The following AKAP3 variants were observed in gnomAD, a reference collection of about 807,000 sequenced individuals.
AKAP3 encodes A-kinase anchoring protein 3, also known as A-kinase anchor protein 3.
Under a neutral mutation model 57.2 loss-of-function variants are expected in AKAP3, and 27 were observed. The ratio of observed to expected loss-of-function variants is 0.47; its 90% CI spans 0.35 to 0.65. The LOEUF (loss-of-function observed/expected upper bound fraction) is 0.65, where lower values mean the gene tolerates loss of function less well. Ranked by LOEUF, AKAP3 falls within the 30% of genes least tolerant of loss-of-function variation. The pLI is 0.01. For missense variants in AKAP3, 959 were observed against 1,040.0 expected (o/e 0.92, Z 1.07); for synonymous variants, 334 against 392.3 (o/e 0.85, Z 1.76).
chr12:4,628,079 C>T lies in AKAP3; in HGVS notation c.823G>A (p.Asp275Asn), dbSNP rs771790484. ...RKRFRGQERP[D>N]DFTASVSEGI... is the part of the protein sequence containing the mutation. ...TCACTAACAGAAGCCGTAAAGTCAT[C>T]AGGCCTTTCCTGCCCTCGAAACCTC... Residue 275 changes from aspartate (D) to asparagine (N), a missense_variant, in exon 5 of 6, where the codon GAT becomes AAT. By Grantham distance (23) the Asp-to-Asn change is conservative. Coordinates refer to ENST00000228850, the MANE Select transcript of AKAP3 (RefSeq NM_001278309.2). The T allele has an allele frequency of 1.9e-6, 3 of 1,614,140 alleles. No homozygotes were observed. The highest frequency in any genetic ancestry group is 2.5e-6 in the Non-Finnish European group (3 of 1,180,022).
chr12:4,624,295 AAAT>A (rs1023544010), intron 5 of AKAP3, among the ~76,000 whole-genome samples: 2 of 151,078 alleles, frequency 1.3e-5, no homozygotes, highest in Non-Finnish European at 2.9e-5. Context: ...TATATATAAA[AAAT>A]AATAATTTGT....
intron 1 of AKAP3, among the ~76,000 whole-genome samples, chr12:4,646,822 G>T (rs551869356): frequency 6.6e-6 from 1 of 151,538 alleles, no homozygotes; most frequent in African/African-American, 2.4e-5. Flanking sequence ...CTCAACTCTC[G>T]CCCAGGCTGG....
In AKAP3 at chr12:4,627,557, G is replaced by C. The variant is rs1945436029; in HGVS notation, c.1345C>G (p.Leu449Val). The change falls in exon 5 of 6, where the codon CTG (leucine) becomes GTG (valine). Residue 449 changes from leucine to valine, a missense_variant. Physicochemically the swap from Leu to Val is conservative, Grantham distance 32. Coordinates refer to ENST00000228850, the MANE Select transcript of AKAP3 (RefSeq NM_001278309.2). ...CCCTCTTTGATAATGTGCTCACCCA[G>C]AGTTTTCGCACAAGTCTCCTCCTCT... ...KSEEETCAKT[L>V]GEHIIKEGLT... 5.6e-6 allele frequency: 9 copies of C among 1,614,122 alleles called. No homozygotes were observed. In the East Asian group the frequency reaches 6.7e-5, roughly 12 times the overall value.
At position 4,625,308 on chromosome 12, in the gene AKAP3, A is replaced by G. The variant is rs74746420; in HGVS notation, c.2406+1188T>C. ...GGAAGTGTGAGATTCTGCACTTCTA[A>G]AAAGCTCCCAGGTGATGCCAATGTT... On this transcript the variant is annotated intron_variant, in intron 5 of 5. Transcript: ENST00000228850. The surrounding 1 kb of genome is among the most constrained non-coding windows in gnomAD (Gnocchi z 5.4). Among the ~76,000 whole-genome samples, 1,042 of 152,288 alleles carry G rather than the reference A, an allele frequency of 6.8e-3. 7 individuals carry two copies. The highest frequency in any genetic ancestry group is 0.017 in the Middle Eastern group (5 of 294).
intron 4 of AKAP3, chr12:4,631,522 T>C: frequency 1.7e-6 from 1 of 580,462 alleles, no homozygotes; most frequent in South Asian, 2.2e-5. Context: ...CAGCAATGTC[T>C]TCCCCCAGAG....
chr12:4,621,455 A>G (rs1945346943), intron 5 of AKAP3, among the ~76,000 whole-genome samples: 1 of 152,180 alleles, frequency 6.6e-6, no homozygotes, highest in African/African-American at 2.4e-5. Flanking sequence ...AGTGACCTAT[A>G]CAGATGTACC....
intron 3 of AKAP3, among the ~76,000 whole-genome samples, chr12:4,638,918 A>ACC (rs1409568973): frequency 1.3e-5 from 2 of 152,220 alleles, no homozygotes; most frequent in African/African-American, 4.8e-5. Flanking sequence ...CAGTAATGGC[A>ACC]CCACCATTTA....
Position 4,626,907 on chromosome 12 carries a change from C to T in AKAP3, c.1995G>A (p.Met665Ile). The change falls in exon 5 of 6, where the codon ATG becomes ATA. Residue 665 changes from methionine to isoleucine, a missense_variant. Met to Ile is a conservative substitution (Grantham distance 10, BLOSUM62 1). Transcript: ENST00000228850. The stretch of plus-strand genomic sequence containing the variant: ...TCAGATGTTCTACCATCTGCCCACT[C>T]ATGTGGCCATCTATCTGGCTGACAG... ...KMAVSQIDGH[M>I]SGQMVEHLMN... 1.2e-6 allele frequency: 2 copies of T among 1,614,040 alleles called. No individual in the cohort carries two copies. The highest frequency in any genetic ancestry group is 2.2e-5 in the East Asian group (1 of 44,888).
chr12:4,623,679 C>G (rs1461417571), intron 5 of AKAP3, among the ~76,000 whole-genome samples: 1 of 151,978 alleles, frequency 6.6e-6, no homozygotes, highest in Non-Finnish European at 1.5e-5. Context: ...ACAAAATAAG[C>G]TGTACAACAA....
At chr12:4,640,873 T>C (rs987691263) in intron 3 of AKAP3, among the ~76,000 whole-genome samples, 1 of 152,112 alleles carries the variant, frequency 6.6e-6, no homozygotes, top group Non-Finnish European at 1.5e-5. Flanking sequence ...TGGTTTTGGG[T>C]TGGGGAAACT....
intron 5 of AKAP3, among the ~76,000 whole-genome samples, chr12:4,626,262 C>T (rs10774250): frequency 0.73 from 110,531 of 152,012 alleles, 40,526 homozygotes; most frequent in African/African-American, 0.81. Context: ...TACTCCTAAA[C>T]GCAGAAAACA....
Position 4,627,762 on chromosome 12 carries a change from C to A in AKAP3, c.1140G>T (p.Lys380Asn). 6.2e-7 allele frequency: 1 copy of A among 1,614,140 alleles called. No homozygotes were observed. Among genetic ancestry groups the A allele is most frequent in the Non-Finnish European group, 8.5e-7 (1 of 1,180,022 alleles). The change falls in exon 5 of 6, where the codon AAG becomes AAT. Residue 380 changes from lysine to asparagine, a missense_variant. Lys to Asn is a moderately conservative substitution (Grantham distance 94). Coordinates refer to ENST00000228850, the MANE Select transcript of AKAP3 (RefSeq NM_001278309.2). ...TCTTGGCAAACATTACATTGTACAG[C>A]TTCCTTAGCATGGCATCCATGATAT... ...ATDIMDAMLRKLYNVMFAKKV... is the reference protein window; with the variant it reads ...ATDIMDAMLRNLYNVMFAKKV...
Position 4,615,619 on chromosome 12 carries a change from T to C in AKAP3, c.*120A>G. 1 of 1,249,118 alleles carries C rather than the reference T, an allele frequency of 8.0e-7. No individual in the cohort carries two copies. The highest frequency in any genetic ancestry group is 1.1e-6 in the Non-Finnish European group (1 of 902,030). 77.4% of individuals were successfully genotyped at this position (1,249,118 alleles called of 1,614,324 possible). On this transcript the variant is annotated 3_prime_UTR_variant, in exon 6 of 6. Transcript: ENST00000228850. ...GATGACATGTCTTTGATGAGAGTGGTGTGAAGATAATGTTAGGGCTCTGTG... is the reference window on the plus strand; with the variant it reads ...GATGACATGTCTTTGATGAGAGTGGCGTGAAGATAATGTTAGGGCTCTGTG...
chr12:4,635,054 A>G (rs1945546602), intron 4 of AKAP3, among the ~76,000 whole-genome samples: 1 of 152,098 alleles, frequency 6.6e-6, no homozygotes, highest in Non-Finnish European at 1.5e-5. Flanking sequence ...GGGTCCAGAT[A>G]GTCATTTGTC....
At chr12:4,616,227 T>C (rs1945283631) in intron 5 of AKAP3, among the ~76,000 whole-genome samples, 1 of 152,170 alleles carries the variant, frequency 6.6e-6, no homozygotes, top group Admixed American at 6.5e-5. Flanking sequence ...CTGCTTTCCA[T>C]GCCCCATAGA....
intron 5 of AKAP3, among the ~76,000 whole-genome samples, chr12:4,623,162 G>A (rs1945366103): frequency 6.6e-6 from 1 of 152,214 alleles, no homozygotes; most frequent in Non-Finnish European, 1.5e-5. Flanking sequence ...GTTGGTGGGA[G>A]TGTAAATTAG....
rs1179479378 is a variant in AKAP3 at position 4,626,601 on chromosome 12, T to G, written c.2301A>C (p.Thr767=). ...VIVSNHNLTD[T]VQNKQLQAVL... is the part of the protein sequence containing the mutation. ...CGGCTTGGAGTTGCTTGTTCTGAACTGTGTCCGTTAGGTTGTGATTGCTGA... is the reference window on the plus strand; with the variant it reads ...CGGCTTGGAGTTGCTTGTTCTGAACGGTGTCCGTTAGGTTGTGATTGCTGA... Residue 767 remains threonine, a synonymous_variant, in exon 5 of 6, where the codon ACA becomes ACC. Transcript: ENST00000228850. The G allele has an allele frequency of 9.9e-6, 16 of 1,614,222 alleles. No individual in the cohort carries two copies. Among genetic ancestry groups the G allele is most frequent in the Non-Finnish European group, 1.4e-5 (16 of 1,180,028 alleles).
intron 5 of AKAP3, among the ~76,000 whole-genome samples, chr12:4,617,841 C>G (rs1945304523): frequency 6.6e-6 from 1 of 150,722 alleles, no homozygotes; most frequent in Non-Finnish European, 1.5e-5. Flanking sequence ...CATAAAGCAA[C>G]TCAACTATAA....
rs1248096809 is a variant in AKAP3, at chr12:4,628,217, C to G, written c.685G>C (p.Gly229Arg). 6.2e-7 allele frequency: 1 copy of G among 1,614,024 alleles called. No individual in the cohort carries two copies. The highest frequency in any genetic ancestry group is 8.5e-7 in the Non-Finnish European group (1 of 1,179,978). ...KIKESTKERQ[G>R]PDDKPPSKKS... ...TTAGAAGGAGGCTTGTCATCTGGAC[C>G]CTGTCTTTCTTTGGTGCTCTCCTTG... Residue 229 changes from glycine to arginine, a missense_variant, in exon 5 of 6, where the codon GGT (glycine) becomes CGT (arginine). By Grantham distance (125) the Gly-to-Arg change is moderately radical. Transcript: ENST00000228850.
Sources: gnomAD v4.1 joint callset for allele counts (sites outside exome capture counted in the v4.1 genomes callset) on GRCh38, gnomAD v4.1.1 for gene constraint, Gnocchi (gnomAD v3.1) non-coding constraint, MANE v1.5 for transcripts, NCBI Gene and HGNC (gene_info 2026-07-23, HGNC 2026-07-21) for gene names.